ACBD6: variants seen among roughly 807,000 people sequenced by gnomAD.
ACBD6 encodes the protein acyl-CoA binding domain containing 6.
ACBD6 carries 28 observed loss-of-function variants against 37.2 expected under a neutral mutation model. That is an observed-to-expected ratio of 0.75 (90% CI 0.56 to 1.03). The LOEUF (loss-of-function observed/expected upper bound fraction) is 1.03, where lower values mean the gene tolerates loss of function less well. Among genes scored for constraint, ACBD6 ranks in the 50% least tolerant of loss-of-function variants. The pLI is 0.00. For synonymous variants in ACBD6, 113 were observed against 126.8 expected, an observed-to-expected ratio of 0.89 and a Z score of 0.73; for missense variants, 340 against 337.4, an observed-to-expected ratio of 1.01 and a Z score of -0.06.
intron 3 of ACBD6, among the ~76,000 whole-genome samples, chr1:180,471,016 CAT>C (rs2102056906): frequency 6.6e-6 from 1 of 152,280 alleles, no homozygotes; most frequent in African/African-American, 2.4e-5. Flanking sequence ...GTGAATATAA[CAT>C]AAATAGAAAT....
At chr1:180,396,661 T>C (rs544680924) in intron 6 of ACBD6, among the ~76,000 whole-genome samples, 4 of 152,162 alleles carry the variant, frequency 2.6e-5, no homozygotes, top group East Asian at 1.9e-4. Flanking sequence ...AGAAAAGATA[T>C]GCAAATAGTC....
At chr1:180,272,886 C>T (rs554680543) in intron 12 of ACBD6, 2 of 152,338 alleles carry the variant, frequency 1.3e-5, no homozygotes, top group South Asian at 4.1e-4. Flanking sequence ...AAGCCTGGCA[C>T]ATTTGTATAC....
At chr1:180,303,053 C>T (rs1571336133) in intron 7 of ACBD6, among the ~76,000 whole-genome samples, 1 of 151,886 alleles carries the variant, frequency 6.6e-6, no homozygotes, top group Non-Finnish European at 1.5e-5. Context: ...TTCTTTGAAA[C>T]CAATGAGAAC....
intron 9 of ACBD6, chr1:180,277,754 G>A (rs914694776): frequency 1.3e-5 from 2 of 151,930 alleles, no homozygotes; most frequent in African/African-American, 2.4e-5. Context: ...TGAATATAAC[G>A]TAAAATAAAG....
intron 3 of ACBD6, among the ~76,000 whole-genome samples, chr1:180,491,306 C>A (rs1340728055): frequency 6.6e-6 from 1 of 152,126 alleles, no homozygotes; most frequent in African/African-American, 2.4e-5. Flanking sequence ...TGGTACAATG[C>A]AACCTCTATC....
intron 1 of ACBD6, among the ~76,000 whole-genome samples, chr1:180,501,488 C>A (rs1248042211): frequency 1.3e-5 from 2 of 152,154 alleles, no homozygotes; most frequent in Non-Finnish European, 2.9e-5. Context: ...CCACCACGCT[C>A]GGCTAACTTA....
chr1:180,367,634 G>A lies in ACBD6; in HGVS notation c.663+29882C>T, dbSNP rs139120349. Among the ~76,000 whole-genome samples, 843 of 152,080 alleles carry A rather than the reference G, an allele frequency of 5.5e-3. 7 individuals are homozygous for A. Among genetic ancestry groups the A allele is most frequent in the African/African-American group, 0.019 (798 of 41,500 alleles). On this transcript the variant is annotated intron_variant, in intron 6 of 7. Coordinates refer to ENST00000367595, the MANE Select transcript of ACBD6 (RefSeq NM_032360.4). ...ATAGCTCCCACTTATAAATGAGAAC[G>A]TGCAGTATTTGGTTTTCTATTCCTG...
rs144251047 is a variant in ACBD6 at position 180,355,171 on chromosome 1, A to C, written c.664-40449T>G. On this transcript the variant is annotated intron_variant, in intron 6 of 7. Transcript: ENST00000367595. ...CAACCACCTTATGAAATAGGTACTA[A>C]GTTATCTCATTTCACAAATGAAGAA... is the stretch of plus-strand genomic sequence containing the variant. Among the ~76,000 whole-genome samples, 3 of 152,320 alleles carry C rather than the reference A, an allele frequency of 2.0e-5. No homozygotes were observed. In the East Asian group the frequency reaches 5.8e-4, roughly 29 times the overall value.
At chr1:180,303,553 C>T (rs1178662086) in intron 7 of ACBD6, among the ~76,000 whole-genome samples, 1 of 150,522 alleles carries the variant, frequency 6.6e-6, no homozygotes, top group African/African-American at 2.4e-5. Context: ...AAGACTAAAC[C>T]AGGAAGAAGT....
chr1:180,499,685 T>C (rs777753670), intron 1 of ACBD6, among the ~76,000 whole-genome samples: 1 of 152,218 alleles, frequency 6.6e-6, no homozygotes, highest in Admixed American at 6.5e-5. Context: ...TAAAATATGA[T>C]TCTCAGTAAA....
rs1346791718 is a variant in ACBD6, at chr1:180,412,521, G to A, written c.573+845C>T. 2.6e-5 allele frequency among the ~76,000 whole-genome samples: 4 copies of A among 152,126 alleles called. No individual in the cohort carries two copies. The South Asian group carries it at 6.2e-4, about 24-fold the overall frequency. On this transcript the variant is annotated intron_variant, in intron 5 of 7. Transcript: ENST00000367595. ...TGCTCTTTTAACAGCTATAATTCAGGGTCAGTTAAAACTCAGTATGTGAAT... is the reference window on the plus strand; with the variant it reads ...TGCTCTTTTAACAGCTATAATTCAGAGTCAGTTAAAACTCAGTATGTGAAT...
intron 6 of ACBD6, among the ~76,000 whole-genome samples, chr1:180,338,609 T>C (rs12042170): frequency 0.29 from 44,206 of 152,056 alleles, 7,946 homozygotes; most frequent in East Asian, 0.5. Context: ...ATTCAGGACA[T>C]AGGCATGGGC....
chr1:180,412,181 G>A (rs1647889089), intron 5 of ACBD6, among the ~76,000 whole-genome samples: 1 of 149,766 alleles, frequency 6.7e-6, no homozygotes. Flanking sequence ...GTATTATTTT[G>A]TTTCACTACT....
At chr1:180,320,749 C>G (rs1359257626) in intron 6 of ACBD6, among the ~76,000 whole-genome samples, 1 of 152,100 alleles carries the variant, frequency 6.6e-6, no homozygotes, top group Non-Finnish European at 1.5e-5. Context: ...TGTGGGTTGT[C>G]TTTCACTTTG....
intron 6 of ACBD6, among the ~76,000 whole-genome samples, chr1:180,324,986 C>T (rs1651202425): frequency 6.6e-6 from 1 of 152,074 alleles, no homozygotes; most frequent in Admixed American, 6.5e-5. Context: ...GTTGGAGCTC[C>T]ATTATATGTT....
intron 6 of ACBD6, among the ~76,000 whole-genome samples, chr1:180,369,494 AAGAG>A (rs1653176471): frequency 6.6e-6 from 1 of 152,186 alleles, no homozygotes; most frequent in East Asian, 1.9e-4. Context: ...GGAGAAATAA[AAGAG>A]AGACACAGAG....
chr1:180,300,786 C>T (rs1217607783), intron 7 of ACBD6, among the ~76,000 whole-genome samples: 1 of 152,062 alleles, frequency 6.6e-6, no homozygotes, highest in African/African-American at 2.4e-5. Context: ...AGCACACAGA[C>T]AGAAATATTG....
chr1:180,392,823 G>A (rs144311810), intron 6 of ACBD6, among the ~76,000 whole-genome samples: 15 of 151,634 alleles, frequency 9.9e-5, no homozygotes, highest in African/African-American at 2.9e-4. Context: ...CCGAGAGGGC[G>A]CAGGGCTAGT....
At chr1:180,354,367 A>G (rs1294272913) in intron 6 of ACBD6, among the ~76,000 whole-genome samples, 1 of 152,220 alleles carries the variant, frequency 6.6e-6, no homozygotes, top group Non-Finnish European at 1.5e-5. Context: ...GCCTATAAAT[A>G]TTATCAAATG....
Sources: gnomAD v4.1 joint callset for allele counts (sites outside exome capture counted in the v4.1 genomes callset) on GRCh38, gnomAD v4.1.1 for gene constraint, MANE v1.5 for transcripts, NCBI Gene and HGNC (gene_info 2026-07-23, HGNC 2026-07-21) for gene names.